The following TSPAN2 variants were observed in gnomAD, a reference collection of about 807,000 sequenced individuals.
TSPAN2 encodes the protein tetraspanin 2.
Under a neutral mutation model 33.3 loss-of-function variants are expected in TSPAN2, and 24 were observed. That is an observed-to-expected ratio of 0.72 (90% CI 0.52 to 1.01). The LOEUF is 1.01. TSPAN2 is among the 50% of genes least tolerant of loss of function. The pLI is 0.00. For missense variants in TSPAN2, 278 were observed against 281.3 expected, an observed-to-expected ratio of 0.99 and a Z score of 0.08; for synonymous variants, 114 against 104.5, an observed-to-expected ratio of 1.09 and a Z score of -0.56.
At chr1:115,064,583 T>C (rs533422119) in intron 2 of TSPAN2, among the ~76,000 whole-genome samples, 10 of 152,346 alleles carry the variant, frequency 6.6e-5, no homozygotes, top group African/African-American at 2.4e-4. Flanking sequence ...TGACAAACCT[T>C]ATTCATCCTC....
intron 1 of TSPAN2, among the ~76,000 whole-genome samples, chr1:115,073,362 G>C (rs1245640364): frequency 1.3e-5 from 2 of 152,130 alleles, no homozygotes; most frequent in South Asian, 2.1e-4. Flanking sequence ...CTGCCTTTTT[G>C]TCCCTTGCTG....
At chr1:115,080,593 C>CATAGCAAATG (rs1315123044) in intron 1 of TSPAN2, among the ~76,000 whole-genome samples, 1 of 152,142 alleles carries the variant, frequency 6.6e-6, no homozygotes, top group Non-Finnish European at 1.5e-5. Flanking sequence ...CTTCTTTATA[C>CATAGCAAATG]TATACAGCAA....
At chr1:115,063,534 C>T (rs570106786) in intron 2 of TSPAN2, among the ~76,000 whole-genome samples, 6 of 152,318 alleles carry the variant, frequency 3.9e-5, no homozygotes, top group Non-Finnish European at 7.3e-5. Context: ...CTGAGTTGAA[C>T]TACCACTCGA....
At position 115,057,578 on chromosome 1, in the gene TSPAN2, GT is replaced by G; in HGVS notation, c.474del (p.Glu158AspfsTer12). 1.9e-6 allele frequency: 3 copies of G among 1,614,172 alleles called. No homozygotes were observed. The highest frequency in any genetic ancestry group is 1.7e-6 in the Non-Finnish European group (2 of 1,180,012). ...TFQCCGKESS[E>X]QVQPTCPKEL... ...TCCTTTGGGCATGTAGGTTGGACCTGTTCGGAGCTTTCTTTTCCACAGCACT... is the reference window on the plus strand; with the variant it reads ...TCCTTTGGGCATGTAGGTTGGACCTGTCGGAGCTTTCTTTTCCACAGCACT... On this transcript the variant is annotated frameshift_variant, in exon 6 of 8. Transcript: ENST00000369516. LOFTEE classifies it high-confidence loss of function.
At chr1:115,063,454 C>G (rs765044502) in intron 2 of TSPAN2, among the ~76,000 whole-genome samples, 6 of 152,188 alleles carry the variant, frequency 3.9e-5, no homozygotes, top group Non-Finnish European at 8.8e-5. Flanking sequence ...AAAGGGGACA[C>G]TTTATACAAT....
chr1:115,070,569 C>T lies in TSPAN2; in HGVS notation c.172+2336G>A, dbSNP rs1244394707. Among the ~76,000 whole-genome samples the T allele has an allele frequency of 4.6e-5, 7 of 151,884 alleles. No homozygotes were observed. The East Asian group carries it at 1.4e-3, about 29-fold the overall frequency. ...CCCCAACATTCCAAATCCTACTGCC[C>T]ACCATGCCCTAGTCCTCAGACCCCA... On this transcript the variant is annotated intron_variant, in intron 2 of 7. Transcript: ENST00000369516.
At chr1:115,053,552 T>C (rs567688628) in intron 6 of TSPAN2, 90 bp from the exon 7 acceptor site, 1 of 1,065,572 alleles carries the variant, frequency 9.4e-7, no homozygotes, top group East Asian at 2.6e-5. Flanking sequence ...TACAGTTCAT[T>C]CTGTGAGAGT....
intron 3 of TSPAN2, among the ~76,000 whole-genome samples, chr1:115,061,774 G>T (rs1370544491): frequency 6.6e-6 from 1 of 152,042 alleles, no homozygotes; most frequent in Non-Finnish European, 1.5e-5. Context: ...CTGGTCTTAA[G>T]TGATCCTCCT....
intron 7 of TSPAN2, among the ~76,000 whole-genome samples, chr1:115,052,073 A>G (rs1016121828): frequency 1.3e-5 from 2 of 151,884 alleles, no homozygotes; most frequent in African/African-American, 4.8e-5. Context: ...AGATTGTGAA[A>G]CTCTCCATTA....
rs1443849043 is a variant in TSPAN2, at chr1:115,048,521, A to G, written c.*1969T>C. On this transcript the variant is annotated 3_prime_UTR_variant, in exon 8 of 8. Transcript: ENST00000369516. ...TTTCATTTTAAATTTATTTATTTCT[A>G]TTCTTCCACTTTTAACTATTATAGT... 1 of 151,878 alleles carries G rather than the reference A, an allele frequency of 6.6e-6. No individual in the cohort carries two copies. The highest frequency in any genetic ancestry group is 2.4e-5 in the African/African-American group (1 of 41,364). 9.4% of individuals were successfully genotyped at this position (151,878 alleles called of 1,614,324 possible). A position where few individuals can be genotyped will look rare whatever the true frequency, so the allele number is the denominator to read the frequency against.
chr1:115,071,754 C>T (rs1557881596), intron 2 of TSPAN2, among the ~76,000 whole-genome samples: 1 of 152,184 alleles, frequency 6.6e-6, no homozygotes, highest in Non-Finnish European at 1.5e-5. Context: ...TTTTCTGCTA[C>T]TCTCCTCTAA....
At chr1:115,088,237 A>G (rs1247643437) in intron 1 of TSPAN2, among the ~76,000 whole-genome samples, 1 of 152,220 alleles carries the variant, frequency 6.6e-6, no homozygotes, top group Non-Finnish European at 1.5e-5. Context: ...ATTGACAGAC[A>G]AAAGAGGAGC....
At chr1:115,075,380 G>C (rs138879864) in intron 1 of TSPAN2, among the ~76,000 whole-genome samples, 1 of 152,314 alleles carries the variant, frequency 6.6e-6, no homozygotes, top group Non-Finnish European at 1.5e-5. Flanking sequence ...GCTGCCGGCT[G>C]TGTCAGGGAT....
Position 115,048,540 on chromosome 1 carries a change from T to C in TSPAN2, c.*1950A>G, listed in dbSNP as rs1210985703. On this transcript the variant is annotated 3_prime_UTR_variant, in exon 8 of 8. Transcript: ENST00000369516. ...ATTTCTATTCTTCCACTTTTAACTA[T>C]TATAGTCTCCTTTAAAGTTGTTAAT... 2 of 152,000 alleles carry C rather than the reference T, an allele frequency of 1.3e-5. No individual in the cohort carries two copies. Among genetic ancestry groups the C allele is most frequent in the African/African-American group, 4.8e-5 (2 of 41,442 alleles). The allele number at this position is 152,000 out of a possible 1,614,324, so 9.4% of individuals were successfully genotyped here.
rs996654326 is a variant in TSPAN2, at chr1:115,048,090, G to T, written c.*2400C>A. On this transcript the variant is annotated 3_prime_UTR_variant, in exon 8 of 8. Transcript: ENST00000369516. ...AAGTCTTAATTCAGTGCCTTGGCAT[G>T]AGACATTTAAAAGCATGTTTGGGTC... 5 of 151,674 alleles carry T rather than the reference G, an allele frequency of 3.3e-5. No homozygotes were observed. Among genetic ancestry groups the T allele is most frequent in the African/African-American group, 4.8e-5 (2 of 41,338 alleles). The allele number at this position is 151,674 out of a possible 1,614,324, so 9.4% of individuals were successfully genotyped here.
intron 1 of TSPAN2, 102 bp downstream of exon 1, chr1:115,089,262 C>T (rs907346522): frequency 8.6e-6 from 9 of 1,046,170 alleles, no homozygotes; most frequent in Admixed American, 2.6e-5. Flanking sequence ...GCCCTCCCCA[C>T]GAGCGCGACT....
intron 1 of TSPAN2, among the ~76,000 whole-genome samples, chr1:115,078,845 G>T (rs1362777558): frequency 6.6e-6 from 1 of 152,314 alleles, no homozygotes; most frequent in Admixed American, 6.5e-5. Context: ...GTCTCCAAGG[G>T]AATACTTCAC....
rs78977147 is a variant in TSPAN2 at position 115,065,121 on chromosome 1, G to A, written c.173-2889C>T. Among the ~76,000 whole-genome samples, 1,310 of 152,254 alleles carry A rather than the reference G, an allele frequency of 8.6e-3. 12 individuals are homozygous for A. Among genetic ancestry groups the A allele is most frequent in the Non-Finnish European group, 0.014 (944 of 68,002 alleles). On this transcript the variant is annotated intron_variant, in intron 2 of 7. Transcript: ENST00000369516. The stretch of plus-strand genomic sequence containing the variant: ...GCCTCTGTTTTGTATGTGTGGGCCC[G>A]TGACTCAGCCCAGCTCCAAATGAAC...
At position 115,048,462 on chromosome 1, in the gene TSPAN2, A is replaced by T. The variant is rs1237951557; in HGVS notation, c.*2028T>A. The T allele has an allele frequency of 6.6e-6, 1 of 151,936 alleles. No homozygotes were observed. Among genetic ancestry groups the T allele is most frequent in the Non-Finnish European group, 1.5e-5 (1 of 67,880 alleles). 9.4% of individuals were successfully genotyped at this position (151,936 alleles called of 1,614,324 possible). A position where few individuals can be genotyped will look rare whatever the true frequency, so the allele number is the denominator to read the frequency against. On this transcript the variant is annotated 3_prime_UTR_variant, in exon 8 of 8. Coordinates refer to ENST00000369516, the MANE Select transcript of TSPAN2 (RefSeq NM_005725.6). Reference sequence around the variant, plus strand: ...TCCAAAAGGGGCACATTAATCGTACATGGAACAGAACCCTTCTCTTCTACT... The same window carrying T: ...TCCAAAAGGGGCACATTAATCGTACTTGGAACAGAACCCTTCTCTTCTACT...
Sources: gnomAD v4.1 joint callset for allele counts (sites outside exome capture counted in the v4.1 genomes callset) on GRCh38, gnomAD v4.1.1 for gene constraint, MANE v1.5 for transcripts, NCBI Gene and HGNC (gene_info 2026-07-23, HGNC 2026-07-21) for gene names.